Variants in GLI3 observed in about 807,000 individuals in gnomAD.
GLI3 encodes the protein GLI family zinc finger 3.
In GLI3, 20 loss-of-function variants were observed where a neutral mutation model predicts 100.8. That is an observed-to-expected ratio of 0.20 (90% CI 0.14 to 0.29). The LOEUF is 0.29. Among genes scored for constraint, GLI3 ranks in the 10% least tolerant of loss-of-function variants. The probability of loss-of-function intolerance (pLI) is 1.00; values close to 1 mark genes in which losing one functional copy is unlikely to be tolerated. For missense variants in GLI3, 2,040 were observed against 2,128.5 expected (o/e 0.96, Z 0.82); for synonymous variants, 938 against 860.5 (o/e 1.09, Z -1.58).
intron 13 of GLI3, among the ~76,000 whole-genome samples, chr7:41,969,503 C>A (rs1212152292): frequency 6.6e-6 from 1 of 152,160 alleles, no homozygotes; most frequent in African/African-American, 2.4e-5. Flanking sequence ...TTGTCCCGGG[C>A]AACCAAGCAG....
chr7:42,060,966 C>T (rs1784557145), intron 4 of GLI3, among the ~76,000 whole-genome samples: 1 of 152,148 alleles, frequency 6.6e-6, no homozygotes, highest in South Asian at 2.1e-4. Flanking sequence ...TCAGTTAGAT[C>T]TGTTTACAAA....
At chr7:41,981,469 G>A (rs1562668570) in intron 10 of GLI3, among the ~76,000 whole-genome samples, 1 of 152,222 alleles carries the variant, frequency 6.6e-6, no homozygotes, top group Non-Finnish European at 1.5e-5. Flanking sequence ...AGGGAGCAGG[G>A]GTGGCTAAGA....
At chr7:42,194,015 A>G (rs1436097486) in intron 2 of GLI3, among the ~76,000 whole-genome samples, 1 of 152,222 alleles carries the variant, frequency 6.6e-6, no homozygotes, top group Non-Finnish European at 1.5e-5. Context: ...GTCAGTATGT[A>G]CATTTCCTGT....
At chr7:42,252,450 A>T (rs1305033964) in intron 1 of GLI3, among the ~76,000 whole-genome samples, 1 of 152,108 alleles carries the variant, frequency 6.6e-6, no homozygotes, top group Non-Finnish European at 1.5e-5. Flanking sequence ...TACCTTTATA[A>T]ATAACAAACC....
At chr7:42,076,570 A>C (rs899770570) in intron 4 of GLI3, among the ~76,000 whole-genome samples, 182 bp downstream of exon 4, 1 of 152,228 alleles carries the variant, frequency 6.6e-6, no homozygotes, top group Non-Finnish European at 1.5e-5. Context: ...ATTCCTCAGG[A>C]AGCAGCAGGG....
intron 4 of GLI3, among the ~76,000 whole-genome samples, chr7:42,056,323 G>A (rs1352963118): frequency 6.6e-6 from 1 of 152,182 alleles, no homozygotes; most frequent in African/African-American, 2.4e-5. Context: ...ACAGTCAAAT[G>A]AGGCAAAAGG....
chr7:42,169,770 G>C (rs1473094379), intron 2 of GLI3, among the ~76,000 whole-genome samples: 1 of 146,058 alleles, frequency 6.8e-6, no homozygotes, highest in Admixed American at 6.9e-5. Flanking sequence ...GAAGCAAAGA[G>C]AAAAGAGAAA....
At chr7:42,042,201 G>A (rs1784154907) in intron 6 of GLI3, among the ~76,000 whole-genome samples, 1 of 151,896 alleles carries the variant, frequency 6.6e-6, no homozygotes, top group South Asian at 2.1e-4. Flanking sequence ...TTTTAGCAGA[G>A]ACGGGGGTTT....
chr7:42,011,549 G>T (rs1788613169), intron 10 of GLI3, among the ~76,000 whole-genome samples: 1 of 152,152 alleles, frequency 6.6e-6, no homozygotes, highest in South Asian at 2.1e-4. Context: ...GGTATAGCCA[G>T]CCATCCAAGA....
rs942513625 is a variant in GLI3, at chr7:42,097,564, C to T, written c.368-20707G>A. 5.3e-5 allele frequency among the ~76,000 whole-genome samples: 8 copies of T among 152,346 alleles called. No individual in the cohort carries two copies. The South Asian group carries it at 1.7e-3, about 32-fold the overall frequency. ...GAGCACGGGACCCAGCAGGGGCTCT[C>T]GTGTCCATGGAAATGGCCAGGATCC... On this transcript the variant is annotated intron_variant, in intron 3 of 14. Coordinates refer to ENST00000395925, the MANE Select transcript of GLI3 (RefSeq NM_000168.6).
intron 10 of GLI3, among the ~76,000 whole-genome samples, chr7:41,986,883 A>G (rs182696547): frequency 6.8e-6 from 1 of 147,588 alleles, no homozygotes; most frequent in African/African-American, 2.5e-5. Flanking sequence ...AGAAAAACTC[A>G]CAAAAGTATA....
intron 2 of GLI3, among the ~76,000 whole-genome samples, chr7:42,211,564 G>GTT: frequency 6.6e-6 from 1 of 152,338 alleles, no homozygotes; most frequent in South Asian, 2.1e-4. Flanking sequence ...TTACATTGAT[G>GTT]TAAGTTCCAT....
intron 1 of GLI3, among the ~76,000 whole-genome samples, chr7:42,249,799 T>TA (rs1336509219): frequency 2.6e-5 from 4 of 151,864 alleles, no homozygotes; most frequent in African/African-American, 4.8e-5. Flanking sequence ...TTTTTGCTTT[T>TA]AAAAAAAGTT....
chr7:42,090,938 C>T (rs1314326890), intron 3 of GLI3, among the ~76,000 whole-genome samples: 2 of 152,168 alleles, frequency 1.3e-5, no homozygotes, highest in East Asian at 3.9e-4. Context: ...AAGTTAAAGT[C>T]GCTCAGTTAG....
At chr7:42,147,950 T>C (rs1638505313) in intron 3 of GLI3, among the ~76,000 whole-genome samples, 1 of 152,136 alleles carries the variant, frequency 6.6e-6, no homozygotes, top group South Asian at 2.1e-4. Context: ...AAAAGTCTCA[T>C]GTGGATTAGT....
chr7:42,208,948 A>G (rs1250518626), intron 2 of GLI3, among the ~76,000 whole-genome samples: 1 of 152,242 alleles, frequency 6.6e-6, no homozygotes, highest in East Asian at 1.9e-4. Context: ...CTGTTGTGGC[A>G]GCTAATTGTA....
At chr7:42,247,317 G>A (rs1306578556) in intron 1 of GLI3, among the ~76,000 whole-genome samples, 1 of 152,122 alleles carries the variant, frequency 6.6e-6, no homozygotes, top group Admixed American at 6.5e-5. Context: ...GCCCCCAGTT[G>A]TATGGGCCGG....
chr7:42,220,660 C>T (rs1267451275), intron 2 of GLI3, among the ~76,000 whole-genome samples: 1 of 152,180 alleles, frequency 6.6e-6, no homozygotes, highest in East Asian at 1.9e-4. Context: ...CTGTAGAGGA[C>T]TCTGTAAAAA....
intron 4 of GLI3, among the ~76,000 whole-genome samples, chr7:42,052,360 C>T (rs992562320): frequency 2.0e-5 from 3 of 152,142 alleles, no homozygotes; most frequent in Admixed American, 6.5e-5. Flanking sequence ...CCTGACAGCA[C>T]CTTGGAGGCA....
Sources: gnomAD v4.1 joint callset for allele counts (sites outside exome capture counted in the v4.1 genomes callset) on GRCh38, gnomAD v4.1.1 for gene constraint, MANE v1.5 for transcripts, NCBI Gene and HGNC (gene_info 2026-07-23, HGNC 2026-07-21) for gene names.